The following FRMD4B variants were observed in gnomAD, a reference collection of about 807,000 sequenced individuals.
The protein encoded by FRMD4B is FERM domain containing 4B, also known as FERM domain-containing protein 4B.
FRMD4B carries 74 observed loss-of-function variants against 141.5 expected under a neutral mutation model. That is an observed-to-expected ratio of 0.52 (90% CI 0.43 to 0.63). The LOEUF is 0.63. Ranked by LOEUF, FRMD4B falls within the 30% of genes least tolerant of loss-of-function variation. The pLI is 0.00. For missense variants in FRMD4B, 1,366 were observed against 1,253.4 expected (o/e 1.09, Z -1.36); for synonymous variants, 506 against 467.9 (o/e 1.08, Z -1.05).
intron 5 of FRMD4B, among the ~76,000 whole-genome samples, chr3:69,275,532 T>C (rs1460720117): frequency 1.3e-5 from 2 of 151,516 alleles, no homozygotes; most frequent in Non-Finnish European, 2.9e-5. Context: ...CTTGACCTCA[T>C]GGGTTCCAGT....
chr3:69,366,377 AAC>A (rs1323811451), intron 1 of FRMD4B, among the ~76,000 whole-genome samples: 1 of 152,212 alleles, frequency 6.6e-6, no homozygotes, highest in African/African-American at 2.4e-5. Flanking sequence ...TTGAATATAC[AAC>A]ACTTATTAAA....
chr3:69,370,106 G>C (rs1322292244), intron 1 of FRMD4B, among the ~76,000 whole-genome samples: 1 of 147,504 alleles, frequency 6.8e-6, no homozygotes, highest in African/African-American at 2.5e-5. Flanking sequence ...TTTTGCTTTT[G>C]TTCCTGTTTT....
intron 2 of FRMD4B, among the ~76,000 whole-genome samples, chr3:69,406,641 C>T (rs779178906): frequency 1.3e-5 from 2 of 152,196 alleles, no homozygotes; most frequent in Non-Finnish European, 2.9e-5. Flanking sequence ...AGTCTTGTGG[C>T]AGCAAACATG....
intron 5 of FRMD4B, among the ~76,000 whole-genome samples, chr3:69,267,622 TATATATATATATATAGAG>T (rs2093571510): frequency 2.1e-4 from 5 of 24,298 alleles, no homozygotes; most frequent in African/African-American, 5.5e-4. Context: ...TATATATATA[TATATATATATATATAGAG>T]AGAGAGAGAG....
chr3:69,379,366 C>G (rs1559838651), intron 1 of FRMD4B, among the ~76,000 whole-genome samples: 1 of 152,138 alleles, frequency 6.6e-6, no homozygotes. Context: ...GCAGCTTTAG[C>G]CTCCCAGGTT....
chr3:69,397,753 G>GGC (rs1704496320), intron 2 of FRMD4B, among the ~76,000 whole-genome samples: 2 of 151,724 alleles, frequency 1.3e-5, no homozygotes. Context: ...TTAGTACAGG[G>GGC]TTTTTTTTGG....
In FRMD4B at chr3:69,187,880, A is replaced by C. The variant is rs2092787588; in HGVS notation, c.1809T>G (p.Ser603Arg). 2 of 1,604,086 alleles carry C rather than the reference A, an allele frequency of 1.2e-6. No homozygotes were observed. The highest frequency in any genetic ancestry group is 2.7e-5 in the African/African-American group (2 of 74,736). Residue 603 changes from serine (S) to arginine (R), a missense_variant, in exon 19 of 23, where the codon AGT (serine) becomes AGG (arginine). By Grantham distance (110) the Ser-to-Arg change is moderately radical. Transcript: ENST00000398540. ...GAATTCTTGGAGAATGAGGTACTGA[A>C]CTTGATCGCTGCCCAGGAAAAGTGA... ...DAFTFPGQRSSSVPHSPRILP... is the reference protein window; with the variant it reads ...DAFTFPGQRSRSVPHSPRILP...
At chr3:69,456,219 C>G (rs918379311) in intron 1 of FRMD4B, among the ~76,000 whole-genome samples, 1 of 148,166 alleles carries the variant, frequency 6.7e-6, no homozygotes, top group Non-Finnish European at 1.5e-5. Flanking sequence ...TTCACTTTGT[C>G]AATTCATGAA....
intron 11 of FRMD4B, among the ~76,000 whole-genome samples, chr3:69,208,443 G>A (rs1002840439): frequency 2.0e-5 from 3 of 151,994 alleles, no homozygotes; most frequent in Non-Finnish European, 2.9e-5. Context: ...CAAGTGATCC[G>A]CCTACGTCGG....
intron 1 of FRMD4B, among the ~76,000 whole-genome samples, chr3:69,538,354 A>G (rs1701115419): frequency 6.6e-6 from 1 of 152,224 alleles, no homozygotes; most frequent in South Asian, 2.1e-4. Flanking sequence ...AATTCCACTT[A>G]AAATCGGGTT....
exon 1 of FRMD4B, chr3:69,542,443 G>C (rs143165882): frequency 0.019 from 2,894 of 153,448 alleles, 46 homozygotes; most frequent in Middle Eastern, 0.079. Context: ...GGCAGCCAGC[G>C]CCTGCCGCAT....
At chr3:69,516,294 C>G (rs1700754752) in intron 1 of FRMD4B, among the ~76,000 whole-genome samples, 1 of 152,074 alleles carries the variant, frequency 6.6e-6, no homozygotes, top group Non-Finnish European at 1.5e-5. Flanking sequence ...ATTTACATGA[C>G]AAAAGAGGTT....
At chr3:69,522,626 C>T (rs1700869844) in intron 1 of FRMD4B, among the ~76,000 whole-genome samples, 1 of 152,072 alleles carries the variant, frequency 6.6e-6, no homozygotes, top group South Asian at 2.1e-4. Context: ...AAACTGGGGT[C>T]CGTCTTGCCA....
Position 69,518,754 on chromosome 3 carries a change from G to A in FRMD4B, c.-129+23452C>T, listed in dbSNP as rs12496877. On this transcript the variant is annotated intron_variant, in intron 1 of 5. Transcript: ENST00000459638. ...TAGCTGTGGGGAGCTATAATGTTTA[G>A]GACTGAGCCCTGTGCAAGCCAAGGA... 3.9e-5 allele frequency among the ~76,000 whole-genome samples: 6 copies of A among 152,146 alleles called. No homozygotes were observed. The East Asian group carries it at 1.2e-3, about 29-fold the overall frequency.
At chr3:69,498,725 T>C (rs1231960483) in intron 1 of FRMD4B, among the ~76,000 whole-genome samples, 2 of 152,194 alleles carry the variant, frequency 1.3e-5, no homozygotes, top group African/African-American at 2.4e-5. Context: ...GTATCTCTTA[T>C]AGAGGAGAAA....
intron 3 of FRMD4B, among the ~76,000 whole-genome samples, chr3:69,309,121 A>T (rs1701488459): frequency 6.6e-6 from 1 of 151,996 alleles, no homozygotes; most frequent in South Asian, 2.1e-4. Context: ...CATTCAAAAA[A>T]TATTTTATTT....
chr3:69,308,630 G>C (rs1202340219), intron 3 of FRMD4B, among the ~76,000 whole-genome samples: 2 of 152,030 alleles, frequency 1.3e-5, no homozygotes, highest in African/African-American at 4.8e-5. Context: ...AGTAGAGATG[G>C]GGTTTCACCA....
chr3:69,389,540 C>T (rs9847125), upstream of FRMD4B, among the ~76,000 whole-genome samples: 102,155 of 152,060 alleles, frequency 0.67, 34,460 homozygotes, highest in East Asian at 0.7. Context: ...CAACTTGTCC[C>T]GTGGACTCAG....
At chr3:69,173,278 G>A (rs866050088) in intron 22 of FRMD4B, among the ~76,000 whole-genome samples, 2 of 151,932 alleles carry the variant, frequency 1.3e-5, no homozygotes, top group Non-Finnish European at 2.9e-5. Flanking sequence ...TTTCTACTTC[G>A]GAAAGTTTAT....
Sources: gnomAD v4.1 joint callset for allele counts (sites outside exome capture counted in the v4.1 genomes callset) on GRCh38, gnomAD v4.1.1 for gene constraint, MANE v1.5 for transcripts, NCBI Gene and HGNC (gene_info 2026-07-23, HGNC 2026-07-21) for gene names.